Variants in MTNAP1 observed in about 807,000 individuals in gnomAD.
MTNAP1 encodes mitochondrial nucleoid-associated protein 1.
the MTNAP1 span, chr17:73,232,867 A>C: frequency 6.6e-6 from 1 of 152,372 alleles, no homozygotes; most frequent in Non-Finnish European, 1.5e-5. Context: ...GCAGGAGGAA[A>C]TCCTCGGTGG....
chr17:73,238,919 T>TTGTGTG, the MTNAP1 span, among the ~76,000 whole-genome samples: 1 of 105,232 alleles, frequency 9.5e-6, no homozygotes, highest in Non-Finnish European at 2.1e-5. Context: ...TGCCATACTT[T>TTGTGTG]TCTGTGTGTG....
At chr17:73,237,001 C>A in the MTNAP1 span, 1 of 1,536,404 alleles carries the variant, frequency 6.5e-7, no homozygotes, top group East Asian at 2.3e-5. Context: ...ACAAGGTAAA[C>A]AAGCTTATTT....
the MTNAP1 span, among the ~76,000 whole-genome samples, chr17:73,241,603 C>T: frequency 3.9e-5 from 6 of 152,284 alleles, no homozygotes; most frequent in Admixed American, 6.5e-5. Flanking sequence ...GAGAAAGTCA[C>T]GCTTTTAGCT....
At chr17:73,239,767 C>A in the MTNAP1 span, among the ~76,000 whole-genome samples, 1 of 152,014 alleles carries the variant, frequency 6.6e-6, no homozygotes, top group East Asian at 1.9e-4. Context: ...GTGATCCTCC[C>A]GCCTTGGCCT....
the MTNAP1 span, among the ~76,000 whole-genome samples, chr17:73,242,688 A>G: frequency 6.6e-6 from 1 of 152,220 alleles, no homozygotes; most frequent in Non-Finnish European, 1.5e-5. Context: ...TAAAGATTTT[A>G]ACCAAGCACC....
At chr17:73,236,339 C>T in the MTNAP1 span, 2 of 1,613,892 alleles carry the variant, frequency 1.2e-6, no homozygotes, top group South Asian at 1.1e-5. Flanking sequence ...AAAATGAGCT[C>T]ATTAGGTAAA....
At chr17:73,242,294 G>C in the MTNAP1 span, 1 of 1,605,692 alleles carries the variant, frequency 6.2e-7, no homozygotes, top group African/African-American at 1.3e-5. Flanking sequence ...GGAACCCCCT[G>C]CCGGACTTAC....
the MTNAP1 span, chr17:73,236,611 G>T: frequency 6.2e-6 from 10 of 1,614,050 alleles, no homozygotes; most frequent in Admixed American, 1.7e-5. Context: ...TCAAAGTCTT[G>T]CCTCTCTAGC....
At chr17:73,237,546 G>C in the MTNAP1 span, among the ~76,000 whole-genome samples, 1 of 152,170 alleles carries the variant, frequency 6.6e-6, no homozygotes, top group Non-Finnish European at 1.5e-5. Context: ...ACTAGGGCAG[G>C]CTGGCGATAC....
the MTNAP1 span, chr17:73,245,841 G>A: frequency 2.0e-6 from 1 of 511,760 alleles, no homozygotes; most frequent in Non-Finnish European, 2.5e-6. Flanking sequence ...TAATGAACCG[G>A]TGGCTAATGT....
At chr17:73,235,545 A>C in the MTNAP1 span, 1 of 1,614,140 alleles carries the variant, frequency 6.2e-7, no homozygotes, top group Non-Finnish European at 8.5e-7. Flanking sequence ...TTAAACGATT[A>C]AAATCCCACT....
the MTNAP1 span, chr17:73,236,703 C>T: frequency 5.1e-4 from 818 of 1,614,158 alleles, 2 homozygotes; most frequent in African/African-American, 6.3e-3. Flanking sequence ...TGGAGAGTCC[C>T]GAGGGACAGT....
At chr17:73,238,462 C>T in the MTNAP1 span, among the ~76,000 whole-genome samples, 1 of 152,196 alleles carries the variant, frequency 6.6e-6, no homozygotes, top group South Asian at 2.1e-4. Context: ...ATTCACTAAA[C>T]CTCTATTTGC....
chr17:73,241,454 G>A, the MTNAP1 span, among the ~76,000 whole-genome samples: 5 of 152,060 alleles, frequency 3.3e-5, no homozygotes, highest in Admixed American at 2.0e-4. Context: ...CACCGCGCCC[G>A]GCCTGCATAA....
chr17:73,235,040 G>A, the MTNAP1 span, among the ~76,000 whole-genome samples: 1 of 151,948 alleles, frequency 6.6e-6, no homozygotes, highest in Non-Finnish European at 1.5e-5. Flanking sequence ...ACACGGACAC[G>A]GTGAAACCCC....
chr17:73,234,321 G>GT, the MTNAP1 span, among the ~76,000 whole-genome samples: 3,376 of 150,330 alleles, frequency 0.022, 56 homozygotes, highest in African/African-American at 0.046. Context: ...TGGTATAAAT[G>GT]TTTTTTTTTT....
At chr17:73,234,440 C>T in the MTNAP1 span, among the ~76,000 whole-genome samples, 2 of 130,290 alleles carry the variant, frequency 1.5e-5, no homozygotes, top group Admixed American at 7.7e-5. Context: ...GCCTGTAATC[C>T]CAGCACACTG....
the MTNAP1 span, chr17:73,235,341 C>T: frequency 4.4e-6 from 3 of 682,302 alleles, no homozygotes. Context: ...CATATAATGA[C>T]TAGTTGACTT....
chr17:73,246,682 TG>T, the MTNAP1 span, among the ~76,000 whole-genome samples: 1 of 152,222 alleles, frequency 6.6e-6, no homozygotes, highest in Admixed American at 6.5e-5. Context: ...CCATCCCTAG[TG>T]GGAGTAATTT....
Sources: allele counts gnomAD v4.1 joint callset (sites outside exome capture counted in the v4.1 genomes callset), GRCh38; gene constraint gnomAD v4.1.1; transcripts MANE v1.5; gene names NCBI Gene and HGNC (gene_info 2026-07-23, HGNC 2026-07-21).